HMGN3: variants seen among roughly 807,000 people sequenced by gnomAD.
HMGN3 encodes high mobility group nucleosomal binding domain 3.
A neutral mutation model predicts 18.8 loss-of-function variants in HMGN3; 6 were observed. The observed-to-expected ratio is 0.32, with a 90% CI of 0.18 to 0.63. HMGN3 has a LOEUF of 0.63. Among genes scored for constraint, HMGN3 ranks in the 30% least tolerant of loss-of-function variants. HMGN3 has a pLI of 0.79. For synonymous variants in HMGN3, 40 were observed against 36.5 expected (o/e 1.10, Z -0.35); for missense variants, 107 against 114.2 (o/e 0.94, Z 0.29).
At position 79,202,048 on chromosome 6, in the gene HMGN3, T is replaced by C. The variant is rs1776161166; in HGVS notation, c.261+228A>G. The C allele has an allele frequency of 6.5e-7, 1 of 1,534,898 alleles. No homozygotes were observed. Among genetic ancestry groups the C allele is most frequent in the South Asian group, 1.2e-5 (1 of 83,658 alleles). On this transcript the variant is annotated intron_variant, in intron 5 of 5. Transcript: ENST00000344726. ...GTCACTGCAAACATGCAGAATTTTC[T>C]ACTGTACCCTTAACTCTCACTGTTT...
intron 2 of HMGN3, among the ~76,000 whole-genome samples, chr6:79,210,521 C>G (rs1039372793): frequency 2.6e-5 from 4 of 152,170 alleles, no homozygotes; most frequent in Non-Finnish European, 5.9e-5. Flanking sequence ...TTGCACAGGA[C>G]CACCTTCTCT....
Position 79,202,055 on chromosome 6 carries a change from C to T in HMGN3, c.261+221G>A. The T allele has an allele frequency of 6.5e-7, 1 of 1,536,378 alleles. No individual in the cohort carries two copies. Among genetic ancestry groups the T allele is most frequent in the Non-Finnish European group, 8.7e-7 (1 of 1,146,838 alleles). On this transcript the variant is annotated intron_variant, in intron 5 of 5. Transcript: ENST00000344726. ...CAAACATGCAGAATTTTCTACTGTA[C>T]CCTTAACTCTCACTGTTTCAATCTG...
intron 1 of HMGN3, among the ~76,000 whole-genome samples, chr6:79,216,083 G>C (rs1041500934): frequency 1.3e-5 from 2 of 152,200 alleles, no homozygotes. Context: ...TTTGAGGCTA[G>C]TGACACTGTA....
At chr6:79,234,487 C>T in intron 1 of HMGN3, 59 bp downstream of exon 1, 1 of 1,557,994 alleles carries the variant, frequency 6.4e-7, no homozygotes, top group Admixed American at 1.7e-5. Flanking sequence ...ATTGCAATGC[C>T]AGCATTTACT....
At chr6:79,225,267 T>C (rs920728097) in intron 1 of HMGN3, among the ~76,000 whole-genome samples, 1 of 152,180 alleles carries the variant, frequency 6.6e-6, no homozygotes, top group Admixed American at 6.5e-5. Flanking sequence ...AGAAAACCAA[T>C]ACCTCTCAGG....
intron 1 of HMGN3, among the ~76,000 whole-genome samples, chr6:79,233,479 T>A (rs938630297): frequency 5.3e-5 from 8 of 152,114 alleles, no homozygotes; most frequent in Admixed American, 5.2e-4. Flanking sequence ...TAGGTGTAAT[T>A]TTGCTTCAAA....
chr6:79,213,650 C>G (rs987390027), intron 2 of HMGN3, among the ~76,000 whole-genome samples: 1 of 152,152 alleles, frequency 6.6e-6, no homozygotes, highest in African/African-American at 2.4e-5. Flanking sequence ...CTCTGTCAAA[C>G]AGTGAATGCT....
At chr6:79,210,541 A>C (rs756646198) in intron 2 of HMGN3, among the ~76,000 whole-genome samples, 3 of 152,070 alleles carry the variant, frequency 2.0e-5, no homozygotes, top group Non-Finnish European at 4.4e-5. Flanking sequence ...TTATATTTCT[A>C]TGGCTCCAAT....
intron 2 of HMGN3, among the ~76,000 whole-genome samples, chr6:79,210,611 T>C (rs976357979): frequency 1.3e-5 from 2 of 152,048 alleles, no homozygotes; most frequent in African/African-American, 2.4e-5. Context: ...ACCAGAAACA[T>C]ACAGCAACTG....
rs1262648352 is a variant in HMGN3, at chr6:79,208,695, C to T, written c.67-119G>A. ...TTGAATGACTATAATGTATGATTCC[C>T]ATCACCTTCTCCAGGTAAGCACAGT... On this transcript the variant is annotated intron_variant, in intron 2 of 5. Coordinates refer to ENST00000344726, the Ensembl canonical transcript of HMGN3. 3 of 816,038 alleles carry T rather than the reference C, an allele frequency of 3.7e-6. No individual in the cohort carries two copies. The African/African-American group carries it at 5.1e-5, about 14-fold the overall frequency. 50.5% of individuals were successfully genotyped at this position (816,038 alleles called of 1,614,324 possible).
At chr6:79,229,333 A>G (rs944260823) in intron 1 of HMGN3, among the ~76,000 whole-genome samples, 48 of 152,220 alleles carry the variant, frequency 3.2e-4, no homozygotes, top group South Asian at 2.1e-4. Flanking sequence ...CAGACTTATA[A>G]AGAACTCTTT....
chr6:79,218,990 T>C (rs1367407749), intron 1 of HMGN3, among the ~76,000 whole-genome samples: 1 of 152,150 alleles, frequency 6.6e-6, no homozygotes, highest in African/African-American at 2.4e-5. Flanking sequence ...GTGATGTGGT[T>C]AATTGAGAAG....
At chr6:79,233,696 CG>C (rs1464425270) in intron 1 of HMGN3, 3 of 152,248 alleles carry the variant, frequency 2.0e-5, no homozygotes, top group African/African-American at 7.2e-5. Flanking sequence ...CCGGGGCCTG[CG>C]CAGAAGAGGA....
intron 1 of HMGN3, among the ~76,000 whole-genome samples, chr6:79,220,127 C>T (rs747334988): frequency 5.9e-5 from 9 of 152,030 alleles, no homozygotes; most frequent in South Asian, 2.1e-4. Flanking sequence ...TACTATGGTC[C>T]TGGTTTTGTT....
intron 1 of HMGN3, among the ~76,000 whole-genome samples, chr6:79,216,836 T>C (rs1056008123): frequency 4.5e-4 from 68 of 152,300 alleles, no homozygotes; most frequent in African/African-American, 1.4e-3. Flanking sequence ...CAACAGACCC[T>C]TGGTTGTCTA....
intron 1 of HMGN3, among the ~76,000 whole-genome samples, chr6:79,232,209 A>G (rs1329455130): frequency 1.3e-5 from 2 of 152,202 alleles, no homozygotes; most frequent in East Asian, 3.9e-4. Flanking sequence ...AGAGCTATGC[A>G]TGGATTGTCT....
At chr6:79,208,745 C>A (rs1205985516) in intron 2 of HMGN3, among the ~76,000 whole-genome samples, 169 bp from the exon 3 acceptor site, 1 of 152,176 alleles carries the variant, frequency 6.6e-6, no homozygotes, top group Non-Finnish European at 1.5e-5. Flanking sequence ...GTCCCCTGGG[C>A]ACGATGACAC....
In HMGN3 at chr6:79,203,019, C is replaced by T. The variant is rs188868963; in HGVS notation, c.147+561G>A. Reference sequence around the variant, plus strand: ...AGAAAAGCCATTTTGGGTAAGTTCCCTAAGAATTCTGTACCTCAGTTTCCT... The same window carrying T: ...AGAAAAGCCATTTTGGGTAAGTTCCTTAAGAATTCTGTACCTCAGTTTCCT... On this transcript the variant is annotated intron_variant, in intron 4 of 5. Transcript: ENST00000344726. Among the ~76,000 whole-genome samples the T allele has an allele frequency of 4.6e-5, 7 of 152,220 alleles. No homozygotes were observed. The East Asian group carries it at 1.4e-3, about 29-fold the overall frequency.
At chr6:79,221,674 C>T (rs1018677184) in intron 1 of HMGN3, among the ~76,000 whole-genome samples, 2 of 152,178 alleles carry the variant, frequency 1.3e-5, no homozygotes, top group Non-Finnish European at 2.9e-5. Context: ...ACCCTTTCAA[C>T]AGCTGCTTAG....
Sources: allele counts gnomAD v4.1 joint callset (sites outside exome capture counted in the v4.1 genomes callset), GRCh38; gene constraint gnomAD v4.1.1; transcripts MANE v1.5; gene names NCBI Gene and HGNC (gene_info 2026-07-23, HGNC 2026-07-21).